ADGRV1: variants seen among roughly 807,000 people sequenced by gnomAD.
ADGRV1 encodes the protein G-protein coupled receptor 98.
In ADGRV1, 359 loss-of-function variants were observed where a neutral mutation model predicts 596.2. The observed-to-expected ratio is 0.60, with a 90% confidence interval of 0.55 to 0.66. The LOEUF (loss-of-function observed/expected upper bound fraction) is 0.66. Among genes scored for constraint, ADGRV1 ranks in the 30% least tolerant of loss-of-function variants. The pLI is 0.00. For missense variants in ADGRV1, 7,274 were observed against 7,575.6 expected (o/e 0.96, Z 1.48); for synonymous variants, 2,681 against 2,679.2 (o/e 1.00, Z -0.02).
intron 87 of ADGRV1, among the ~76,000 whole-genome samples, chr5:91,103,797 T>G (rs1791603343): frequency 6.6e-6 from 1 of 152,146 alleles, no homozygotes. Flanking sequence ...ATTTAATGCT[T>G]ATTAAATAAT....
intron 1 of ADGRV1, among the ~76,000 whole-genome samples, chr5:90,576,987 G>T (rs1318773087): frequency 6.6e-6 from 1 of 151,940 alleles, no homozygotes; most frequent in Non-Finnish European, 1.5e-5. Context: ...TTGTGAATTT[G>T]TTTAAGTTCT....
intron 1 of ADGRV1, among the ~76,000 whole-genome samples, chr5:90,612,140 G>T (rs185504733): frequency 2.6e-4 from 40 of 152,152 alleles, no homozygotes; most frequent in Admixed American, 1.2e-3. Flanking sequence ...TTAAACACAG[G>T]ATCTTGGAGC....
intron 85 of ADGRV1, among the ~76,000 whole-genome samples, chr5:91,037,350 TA>T (rs199916437): frequency 7.9e-5 from 12 of 151,460 alleles, no homozygotes; most frequent in African/African-American, 2.7e-4. Flanking sequence ...CATATATTCT[TA>T]AAAAAAAATA....
chr5:90,692,782 C>A lies in ADGRV1; in HGVS notation c.7129C>A (p.Arg2377=). 1 of 1,590,220 alleles carries A rather than the reference C, an allele frequency of 6.3e-7. No homozygotes were observed. Among genetic ancestry groups the A allele is most frequent in the Non-Finnish European group, 8.6e-7 (1 of 1,168,308 alleles). Residue 2377 remains arginine (R), a synonymous_variant, in exon 32 of 90, where the codon CGA becomes AGA. Coordinates refer to ENST00000405460, the MANE Select transcript of ADGRV1 (RefSeq NM_032119.4). ...TTCCTGTGCTAATATAACTGTCAGGCGAAGGTATATGAGATAGCTACTTGC... is the reference window on the plus strand; with the variant it reads ...TTCCTGTGCTAATATAACTGTCAGGAGAAGGTATATGAGATAGCTACTTGC... ...RSSCANITVR[R]SGGHFGRLLL...
chr5:91,123,726 G>T (rs1793519500), intron 87 of ADGRV1, among the ~76,000 whole-genome samples: 1 of 152,170 alleles, frequency 6.6e-6, no homozygotes, highest in Non-Finnish European at 1.5e-5. Context: ...AGAGCCAGAA[G>T]ATGCTTCATT....
At chr5:90,661,764 G>A (rs1770331682) in intron 21 of ADGRV1, among the ~76,000 whole-genome samples, 1 of 152,044 alleles carries the variant, frequency 6.6e-6, no homozygotes. Flanking sequence ...ATGGATGTTA[G>A]GCCCCTTCAT....
chr5:90,923,693 A>AC (rs1774108439), intron 83 of ADGRV1, among the ~76,000 whole-genome samples: 6 of 152,226 alleles, frequency 3.9e-5, no homozygotes, highest in Non-Finnish European at 8.8e-5. Context: ...GGTTAGTTAC[A>AC]TATGTATACA....
At chr5:91,074,227 T>C (rs916139160) in intron 86 of ADGRV1, among the ~76,000 whole-genome samples, 1 of 152,198 alleles carries the variant, frequency 6.6e-6, no homozygotes, top group Non-Finnish European at 1.5e-5. Flanking sequence ...TGTAGATAAA[T>C]TGCATGTCAC....
intron 78 of ADGRV1, among the ~76,000 whole-genome samples, chr5:90,844,404 C>T (rs1765683721): frequency 6.6e-6 from 1 of 152,090 alleles, no homozygotes; most frequent in South Asian, 2.1e-4. Flanking sequence ...AGAAGTGGCA[C>T]AAGTATTATA....
chr5:90,769,657 T>C (rs1276022265), intron 59 of ADGRV1, among the ~76,000 whole-genome samples: 1 of 152,212 alleles, frequency 6.6e-6, no homozygotes, highest in Non-Finnish European at 1.5e-5. Flanking sequence ...GTTTTGCAAT[T>C]GCATTTTTTC....
At chr5:91,053,396 A>G (rs1446225697) in intron 85 of ADGRV1, among the ~76,000 whole-genome samples, 1 of 152,210 alleles carries the variant, frequency 6.6e-6, no homozygotes, top group Non-Finnish European at 1.5e-5. Flanking sequence ...TCAGAATCAG[A>G]GCACATATAC....
Position 90,622,601 on chromosome 5 carries a change from C to A in ADGRV1, c.458C>A (p.Pro153His). The change falls in exon 5 of 90, where the codon CCC (proline) becomes CAC (histidine). Residue 153 changes from proline (P) to histidine (H), a missense_variant. Pro to His is a moderately conservative substitution (Grantham distance 77, BLOSUM62 -2). Transcript: ENST00000405460. ...TGTGCTTGCTTTCCTCAATAGCTTC[C>A]CTCAATCGCAGTGAGTGAGCCCAAG... Reference protein sequence around the residue: ...AFGIISFNMLPSIAVSEPKGR... With the variant: ...AFGIISFNMLHSIAVSEPKGR... 1 of 1,432,942 alleles carries A rather than the reference C, an allele frequency of 7.0e-7. No individual in the cohort carries two copies. Among genetic ancestry groups the A allele is most frequent in the Non-Finnish European group, 9.2e-7 (1 of 1,087,330 alleles). 88.8% of individuals were successfully genotyped at this position (1,432,942 alleles called of 1,614,324 possible).
chr5:90,627,460 A>G lies in ADGRV1; in HGVS notation c.922A>G (p.Thr308Ala), dbSNP rs1171951154. The change falls in exon 7 of 90, where the codon ACA (threonine) becomes GCA (alanine). Residue 308 changes from threonine to alanine, a missense_variant. Transcript: ENST00000405460. ...TGAGGTTTCAATCAGTTATGCTGTC[A>G]CAACTGGGAATTCCACAGCACATGC... ...EYEVSISYAVTTGNSTAHAQQ... is the reference protein window; with the variant it reads ...EYEVSISYAVATGNSTAHAQQ... 20 of 1,613,890 alleles carry G rather than the reference A, an allele frequency of 1.2e-5. No homozygotes were observed. Among genetic ancestry groups the G allele is most frequent in the Non-Finnish European group, 1.6e-5 (19 of 1,179,890 alleles).
chr5:91,153,098 C>A, intron 88 of ADGRV1, 123 bp from the exon 89 acceptor site: 1 of 692,506 alleles, frequency 1.4e-6, no homozygotes, highest in Non-Finnish European at 2.4e-6. Flanking sequence ...CAAAACAATG[C>A]CACTGCCGTT....
In ADGRV1 at chr5:90,633,576, A is replaced by G. The variant is rs1561424620; in HGVS notation, c.1840-1538A>G. On this transcript the variant is annotated intron_variant, in intron 9 of 89. Coordinates refer to ENST00000405460, the MANE Select transcript of ADGRV1 (RefSeq NM_032119.4). Reference sequence around the variant, plus strand: ...ATATTTATATACCATTCAAATATACATATTTTATTTAACTTTGTGCTATTT... The same window carrying G: ...ATATTTATATACCATTCAAATATACGTATTTTATTTAACTTTGTGCTATTT... Among the ~76,000 whole-genome samples the G allele has an allele frequency of 2.0e-5, 3 of 151,994 alleles. No homozygotes were observed. In the South Asian group the frequency reaches 6.2e-4, roughly 31 times the overall value.
chr5:90,619,326 T>G (rs1432225388), intron 4 of ADGRV1, 145 bp downstream of exon 4: 1 of 441,764 alleles, frequency 2.3e-6, no homozygotes. Context: ...TGTTTCACAT[T>G]CTGTAGACCA....
chr5:90,773,494 A>G (rs2150059127), intron 59 of ADGRV1, among the ~76,000 whole-genome samples: 1 of 152,316 alleles, frequency 6.6e-6, no homozygotes, highest in East Asian at 1.9e-4. Context: ...GAAACAATGT[A>G]CTATGAGAAA....
intron 70 of ADGRV1, among the ~76,000 whole-genome samples, chr5:90,799,085 G>A (rs1356806303): frequency 6.6e-6 from 1 of 152,148 alleles, no homozygotes; most frequent in Non-Finnish European, 1.5e-5. Context: ...AGGGCAATCA[G>A]ACAAAAGAAA....
chr5:90,619,847 C>T (rs576590573), intron 4 of ADGRV1, among the ~76,000 whole-genome samples: 125 of 149,844 alleles, frequency 8.3e-4, no homozygotes, highest in African/African-American at 2.9e-3. Flanking sequence ...TGAGAACATG[C>T]GGTGTTTGGT....
Sources: gnomAD v4.1 joint callset for allele counts (sites outside exome capture counted in the v4.1 genomes callset) on GRCh38, gnomAD v4.1.1 for gene constraint, MANE v1.5 for transcripts, NCBI Gene and HGNC (gene_info 2026-07-23, HGNC 2026-07-21) for gene names.